The following SLC71A1 variants were observed in gnomAD, a reference collection of about 807,000 sequenced individuals.
SLC71A1 encodes hippocampus abundant gene transcript 1.
chr1:100,054,718 TAAA>T, the SLC71A1 span, among the ~76,000 whole-genome samples: 1 of 152,050 alleles, frequency 6.6e-6, no homozygotes, highest in Non-Finnish European at 1.5e-5. Flanking sequence ...TTTTTAAAGT[TAAA>T]AAAAAGTTAA....
chr1:100,061,861 C>G, the SLC71A1 span: 1 of 1,612,556 alleles, frequency 6.2e-7, no homozygotes, highest in Admixed American at 1.7e-5. Context: ...ATCTCTGTTT[C>G]TGGGGTTTTT....
the SLC71A1 span, chr1:100,078,540 A>G: frequency 6.2e-7 from 1 of 1,609,786 alleles, no homozygotes; most frequent in Non-Finnish European, 8.5e-7. Flanking sequence ...GCTGATGCTG[A>G]TCAACAGGGT....
chr1:100,042,219 A>T, the SLC71A1 span, among the ~76,000 whole-genome samples: 1 of 152,208 alleles, frequency 6.6e-6, no homozygotes, highest in Non-Finnish European at 1.5e-5. Context: ...ACAGTGGAAA[A>T]TGTATAGTTC....
the SLC71A1 span, among the ~76,000 whole-genome samples, chr1:100,042,178 T>G: frequency 4.1e-4 from 62 of 152,344 alleles, 1 homozygote; most frequent in African/African-American, 1.4e-3. Flanking sequence ...CTTTATTGTT[T>G]TGGCCATACA....
chr1:100,068,910 G>A, the SLC71A1 span, among the ~76,000 whole-genome samples: 3 of 152,178 alleles, frequency 2.0e-5, no homozygotes, highest in Non-Finnish European at 4.4e-5. Context: ...TTGAACCCAG[G>A]AGGCGGAGGC....
the SLC71A1 span, among the ~76,000 whole-genome samples, chr1:100,081,583 C>A: frequency 6.6e-6 from 1 of 152,092 alleles, no homozygotes; most frequent in African/African-American, 2.4e-5. Flanking sequence ...ACCATGTTGG[C>A]CAGGCTGGTC....
the SLC71A1 span, chr1:100,058,651 G>T: frequency 3.6e-6 from 5 of 1,408,150 alleles, no homozygotes; most frequent in South Asian, 3.6e-5. Flanking sequence ...TTTTATTTTG[G>T]TTTTTATTCT....
the SLC71A1 span, among the ~76,000 whole-genome samples, chr1:100,068,798 C>T: frequency 6.6e-6 from 1 of 152,082 alleles, no homozygotes; most frequent in Non-Finnish European, 1.5e-5. Context: ...GCCTGGCCAA[C>T]ATGGCAAAAT....
the SLC71A1 span, among the ~76,000 whole-genome samples, chr1:100,064,097 A>G: frequency 6.6e-6 from 1 of 152,076 alleles, no homozygotes; most frequent in Non-Finnish European, 1.5e-5. Flanking sequence ...GAAAATATAT[A>G]TTTATATGTA....
the SLC71A1 span, chr1:100,069,516 C>T: frequency 2.9e-6 from 2 of 701,332 alleles, no homozygotes; most frequent in Admixed American, 2.5e-5. Flanking sequence ...TTATTTTTTT[C>T]TGGCCCATTA....
the SLC71A1 span, among the ~76,000 whole-genome samples, chr1:100,054,566 G>A: frequency 1.3e-5 from 2 of 151,992 alleles, no homozygotes; most frequent in African/African-American, 4.8e-5. Flanking sequence ...AGTGTTTGAT[G>A]GTTCAAGCTC....
At chr1:100,075,731 T>G in the SLC71A1 span, among the ~76,000 whole-genome samples, 1 of 152,024 alleles carries the variant, frequency 6.6e-6, no homozygotes, top group Non-Finnish European at 1.5e-5. Flanking sequence ...CAGGCTGGAG[T>G]GCAGTGGTGT....
At chr1:100,077,236 A>G in the SLC71A1 span, 2 of 1,593,396 alleles carry the variant, frequency 1.3e-6, no homozygotes, top group East Asian at 4.5e-5. Context: ...TAGGATTTCA[A>G]ATATTACAGT....
chr1:100,076,768 T>G, the SLC71A1 span, among the ~76,000 whole-genome samples: 9 of 152,264 alleles, frequency 5.9e-5, no homozygotes, highest in African/African-American at 2.2e-4. Flanking sequence ...TAATCATTGT[T>G]CTGTTAGTTT....
chr1:100,041,025 A>G, the SLC71A1 span, among the ~76,000 whole-genome samples: 1 of 152,142 alleles, frequency 6.6e-6, no homozygotes, highest in Non-Finnish European at 1.5e-5. Context: ...CTTTTCAACA[A>G]TGTTAATAAA....
At chr1:100,078,079 A>G in the SLC71A1 span, among the ~76,000 whole-genome samples, 2 of 152,224 alleles carry the variant, frequency 1.3e-5, no homozygotes, top group African/African-American at 4.8e-5. Context: ...ATCCATCCAT[A>G]AGAACTTTGC....
chr1:100,053,636 G>T, the SLC71A1 span, among the ~76,000 whole-genome samples: 1 of 152,008 alleles, frequency 6.6e-6, no homozygotes, highest in East Asian at 1.9e-4. Context: ...TGTCTGGTTT[G>T]GGATTTATGA....
At chr1:100,051,098 CAA>C in the SLC71A1 span, among the ~76,000 whole-genome samples, 1 of 127,268 alleles carries the variant, frequency 7.9e-6, no homozygotes, top group African/African-American at 2.9e-5. Context: ...AAAAAAAAAA[CAA>C]AAAAAAAAAC....
the SLC71A1 span, chr1:100,062,054 C>A: frequency 6.1e-6 from 4 of 660,300 alleles, no homozygotes; most frequent in East Asian, 3.1e-5. Flanking sequence ...AAGATTTTTG[C>A]GTAAAATATA....
Sources: allele counts gnomAD v4.1 joint callset (sites outside exome capture counted in the v4.1 genomes callset), GRCh38; gene constraint gnomAD v4.1.1; transcripts MANE v1.5; gene names NCBI Gene and HGNC (gene_info 2026-07-23, HGNC 2026-07-21).